The following SGCZ variants were observed in gnomAD, a reference collection of about 807,000 sequenced individuals.
The protein encoded by SGCZ is zeta-sarcoglycan.
A neutral mutation model predicts 41.3 loss-of-function variants in SGCZ; 40 were observed. The observed-to-expected ratio is 0.97, with a 90% CI of 0.75 to 1.26. The LOEUF (loss-of-function observed/expected upper bound fraction) is 1.26. SGCZ is among the 50% of genes most tolerant of loss of function. The pLI is 0.00. For missense variants in SGCZ, 552 were observed against 369.8 expected (o/e 1.49, Z -4.04); for synonymous variants, 206 against 137.5 (o/e 1.50, Z -3.49).
intron 2 of SGCZ, among the ~76,000 whole-genome samples, chr8:14,375,542 A>G (rs751315670): frequency 1.3e-5 from 2 of 152,216 alleles, no homozygotes; most frequent in African/African-American, 4.8e-5. Context: ...CTCTGATTGC[A>G]ATGTAATAAT....
At chr8:14,734,107 C>T (rs1274260176) in intron 1 of SGCZ, among the ~76,000 whole-genome samples, 3 of 152,062 alleles carry the variant, frequency 2.0e-5, no homozygotes, top group East Asian at 3.9e-4. Flanking sequence ...CTGTTAAGAT[C>T]AAGAAGTCAG....
chr8:14,221,582 AATTACC>A (rs1447102271), intron 4 of SGCZ, among the ~76,000 whole-genome samples: 1 of 152,212 alleles, frequency 6.6e-6, no homozygotes, highest in Non-Finnish European at 1.5e-5. Context: ...GGATTGTTTG[AATTACC>A]ATTACAATTG....
At chr8:14,135,463 G>C (rs936884068) in intron 5 of SGCZ, among the ~76,000 whole-genome samples, 5 of 152,122 alleles carry the variant, frequency 3.3e-5, no homozygotes, top group Non-Finnish European at 7.4e-5. Flanking sequence ...GAGGATAACA[G>C]GGCTTTCTCC....
At chr8:14,930,877 G>C (rs200454681) in intron 1 of SGCZ, among the ~76,000 whole-genome samples, 2 of 151,922 alleles carry the variant, frequency 1.3e-5, no homozygotes, top group East Asian at 3.9e-4. Context: ...AATACCTAAT[G>C]TAGGGGAGAG....
chr8:15,122,928 A>G (rs1395993114), intron 1 of SGCZ, among the ~76,000 whole-genome samples: 2 of 152,176 alleles, frequency 1.3e-5, no homozygotes, highest in African/African-American at 2.4e-5. Context: ...TCTTATTATT[A>G]TTTGGAAACA....
chr8:15,172,039 T>C (rs1039076532), intron 1 of SGCZ, among the ~76,000 whole-genome samples: 2 of 151,910 alleles, frequency 1.3e-5, no homozygotes, highest in Admixed American at 1.3e-4. Context: ...GAGATTTCTA[T>C]GTGAAAAATG....
intron 1 of SGCZ, among the ~76,000 whole-genome samples, chr8:14,705,216 A>G (rs368436851): frequency 3.3e-5 from 5 of 152,064 alleles, no homozygotes; most frequent in African/African-American, 1.2e-4. Context: ...TTGGTGGTCA[A>G]TATGTAACCT....
At chr8:15,232,397 T>G (rs114118408) in intron 1 of SGCZ, among the ~76,000 whole-genome samples, 1 of 152,124 alleles carries the variant, frequency 6.6e-6, no homozygotes, top group Non-Finnish European at 1.5e-5. Context: ...TAATAGCCAG[T>G]ATGTAGGCTG....
At chr8:14,354,274 T>C (rs1248855114) in intron 2 of SGCZ, among the ~76,000 whole-genome samples, 1 of 151,988 alleles carries the variant, frequency 6.6e-6, no homozygotes, top group Non-Finnish European at 1.5e-5. Flanking sequence ...TAGTCAGTAC[T>C]GATTTTTACT....
At chr8:14,935,542 A>C (rs570958359) in intron 1 of SGCZ, among the ~76,000 whole-genome samples, 1 of 152,050 alleles carries the variant, frequency 6.6e-6, no homozygotes, top group Admixed American at 6.5e-5. Flanking sequence ...TCAGAGATAA[A>C]GTACTCTTAA....
intron 2 of SGCZ, among the ~76,000 whole-genome samples, chr8:14,424,963 G>C (rs1005823202): frequency 4.6e-5 from 7 of 152,098 alleles, no homozygotes; most frequent in African/African-American, 1.7e-4. Context: ...TATTTATCAG[G>C]GTAATTGAGA....
rs531444801 is a variant in SGCZ, at chr8:14,475,196, G to A, written c.234+79536C>T. ...GCAAAAGAATTATATTTCAATATGAGTCTAATGAAAATGTATAGTTTTATT... is the reference window on the plus strand; with the variant it reads ...GCAAAAGAATTATATTTCAATATGAATCTAATGAAAATGTATAGTTTTATT... On this transcript the variant is annotated intron_variant, in intron 2 of 7. Coordinates refer to ENST00000382080, the MANE Select transcript of SGCZ (RefSeq NM_139167.4). Among the ~76,000 whole-genome samples, 7 of 151,932 alleles carry A rather than the reference G, an allele frequency of 4.6e-5. No individual in the cohort carries two copies. The South Asian group carries it at 1.5e-3, about 31-fold the overall frequency.
At chr8:15,014,418 T>C (rs1802949062) in intron 1 of SGCZ, among the ~76,000 whole-genome samples, 1 of 152,194 alleles carries the variant, frequency 6.6e-6, no homozygotes, top group Non-Finnish European at 1.5e-5. Context: ...TCATTTTGCG[T>C]GTGTCTTTGT....
chr8:14,722,918 C>G (rs1809935868), intron 1 of SGCZ, among the ~76,000 whole-genome samples: 1 of 152,084 alleles, frequency 6.6e-6, no homozygotes, highest in African/African-American at 2.4e-5. Context: ...AAAGAAAAAA[C>G]TAGAATTTAA....
intron 2 of SGCZ, among the ~76,000 whole-genome samples, chr8:14,420,997 A>G (rs1799622457): frequency 6.6e-6 from 1 of 152,144 alleles, no homozygotes; most frequent in Non-Finnish European, 1.5e-5. Flanking sequence ...AGATATTTGT[A>G]AAGTACTTTA....
intron 1 of SGCZ, among the ~76,000 whole-genome samples, chr8:14,779,721 T>C (rs992303989): frequency 1.3e-5 from 2 of 152,114 alleles, no homozygotes; most frequent in African/African-American, 4.8e-5. Flanking sequence ...AAACTAAAGA[T>C]AGGGTTTAGT....
At chr8:14,349,706 A>C (rs1286874254) in intron 2 of SGCZ, among the ~76,000 whole-genome samples, 1 of 152,136 alleles carries the variant, frequency 6.6e-6, no homozygotes, top group East Asian at 1.9e-4. Context: ...ATGACTGAGA[A>C]ATAAACTGCT....
At chr8:15,204,297 T>G (rs1222881005) in intron 1 of SGCZ, among the ~76,000 whole-genome samples, 4 of 152,138 alleles carry the variant, frequency 2.6e-5, no homozygotes, top group African/African-American at 9.7e-5. Context: ...TTTCTCCAAC[T>G]TAAAATTCAA....
rs1001455769 is a variant in SGCZ, at chr8:14,086,309, T to A, written c.*4134A>T. ...TGTTGACATTCTCTGCTATGAAATA[T>A]AACACTCATATGCATTAGACGCTCT... On this transcript the variant is annotated 3_prime_UTR_variant, in exon 8 of 8. Coordinates refer to ENST00000382080, the MANE Select transcript of SGCZ (RefSeq NM_139167.4). 1.3e-5 allele frequency among the ~76,000 whole-genome samples: 2 copies of A among 151,742 alleles called. No individual in the cohort carries two copies. Among genetic ancestry groups the A allele is most frequent in the African/African-American group, 4.8e-5 (2 of 41,404 alleles).
Sources: allele counts gnomAD v4.1 joint callset (sites outside exome capture counted in the v4.1 genomes callset), GRCh38; gene constraint gnomAD v4.1.1; transcripts MANE v1.5; gene names NCBI Gene and HGNC (gene_info 2026-07-23, HGNC 2026-07-21).